NFASC: variants seen among roughly 807,000 people sequenced by gnomAD.
The protein encoded by NFASC is neurofascin, also known as neurofascin homolog.
NFASC carries 43 observed loss-of-function variants against 147.5 expected under a neutral mutation model. That is an observed-to-expected ratio of 0.29 (90% CI 0.23 to 0.38). NFASC has a LOEUF of 0.38. NFASC is among the 10% of genes least tolerant of loss of function. NFASC has a pLI of 1.00. For synonymous variants in NFASC, 622 were observed against 665.5 expected (o/e 0.93, Z 1.01); for missense variants, 1,320 against 1,689.0 (o/e 0.78, Z 3.83).
intron 2 of NFASC, among the ~76,000 whole-genome samples, chr1:204,926,929 C>G (rs2091705268): frequency 6.6e-6 from 1 of 151,902 alleles, no homozygotes; most frequent in Non-Finnish European, 1.5e-5. Context: ...TAAAAATTAG[C>G]TGGTGCACGG....
chr1:204,846,967 G>C (rs2075224379), intron 1 of NFASC, among the ~76,000 whole-genome samples: 1 of 152,008 alleles, frequency 6.6e-6, no homozygotes, highest in Non-Finnish European at 1.5e-5. Context: ...GTGTGTGTGT[G>C]TGTGTGTGTG....
In NFASC at chr1:205,016,478, C is replaced by A. The variant is rs1308415793; in HGVS notation, c.3662C>A (p.Thr1221Lys). The change falls in exon 30 of 30, where the codon ACA (threonine) becomes AAA (lysine). Residue 1221 changes from threonine to lysine, a missense_variant. Thr to Lys is a moderately conservative substitution (Grantham distance 78). Coordinates refer to ENST00000339876, the MANE Select transcript of NFASC (RefSeq NM_001005388.3). This position sits in a 1 kb window ranked among gnomAD's most constrained non-coding sequence, Gnocchi z 5.1. ...ACGGTCAAAAAGGACAAGGAGGAAA[C>A]AGAGGGCAACGAAAGCTCAGAGGCC... ...QYTVKKDKEE[T>K]EGNESSEATS... 2 of 1,614,168 alleles carry A rather than the reference C, an allele frequency of 1.2e-6. No homozygotes were observed. Among genetic ancestry groups the A allele is most frequent in the Admixed American group, 1.7e-5 (1 of 60,018 alleles).
intron 15 of NFASC, among the ~76,000 whole-genome samples, chr1:204,976,437 T>C (rs765882041): frequency 5.3e-5 from 8 of 152,208 alleles, no homozygotes; most frequent in Non-Finnish European, 1.2e-4. Flanking sequence ...GCAAACGTGC[T>C]TCACAGCCAC....
chr1:204,974,135 G>A (rs2095340497), intron 12 of NFASC, 44 bp from the exon 13 acceptor site: 4 of 1,494,568 alleles, frequency 2.7e-6, no homozygotes, highest in Non-Finnish European at 3.7e-6. Flanking sequence ...AGAGATGGAA[G>A]AGTTTAGACT....
intron 1 of NFASC, among the ~76,000 whole-genome samples, chr1:204,877,403 G>A (rs1413303077): frequency 6.6e-6 from 1 of 152,044 alleles, no homozygotes; most frequent in East Asian, 1.9e-4. Flanking sequence ...AGCCGTGCTG[G>A]TCACTTGTAT....
chr1:204,976,986 G>A, intron 16 of NFASC, 191 bp downstream of exon 16: 3 of 1,351,218 alleles, frequency 2.2e-6, no homozygotes, highest in Non-Finnish European at 2.8e-6. Context: ...GTGCTGGACA[G>A]GTTACCTCCT....
chr1:204,969,859 T>A (rs533381211), intron 10 of NFASC, among the ~76,000 whole-genome samples: 70 of 151,698 alleles, frequency 4.6e-4, no homozygotes, highest in African/African-American at 1.6e-3. Context: ...GGAAAGATCA[T>A]GAGGTCAGAA....
rs1295477254 is a variant in NFASC at position 204,968,837 on chromosome 1, C to T, written c.858C>T (p.Asp286=). Residue 286 remains aspartate (D), a synonymous_variant, in exon 10 of 30, where the codon GAC becomes GAT. Transcript: ENST00000339876. The surrounding 1 kb of genome is among the most constrained non-coding windows in gnomAD (Gnocchi z 5.4). ...PDIAWYKKGG[D]LPSDKAKFEN... ...TCGCATGGTACAAGAAAGGTGGGGA[C>T]CTCCCATCTGATAAGGCCAAGTTTG... 2 of 1,613,840 alleles carry T rather than the reference C, an allele frequency of 1.2e-6. No homozygotes were observed. The highest frequency in any genetic ancestry group is 2.2e-5 in the East Asian group (1 of 44,866).
intron 4 of NFASC, among the ~76,000 whole-genome samples, chr1:204,951,169 T>TTA (rs2094093514): frequency 6.9e-6 from 1 of 144,412 alleles, no homozygotes; most frequent in Admixed American, 6.8e-5. Context: ...TTTTTTTTTT[T>TTA]ATGGAGTCTC....
intron 1 of NFASC, among the ~76,000 whole-genome samples, chr1:204,830,657 TAGAGAG>T (rs10671660): frequency 0.012 from 1,784 of 147,208 alleles, 22 homozygotes; most frequent in Non-Finnish European, 0.02. Flanking sequence ...GATGTGTGTA[TAGAGAG>T]AGAGAGAGAG....
chr1:204,999,089 A>C (rs2095914993), intron 25 of NFASC: 1 of 152,226 alleles, frequency 6.6e-6, no homozygotes. Context: ...AGGGTGAAAT[A>C]GGCCTTTTTA....
At chr1:205,013,391 C>T (rs945368319) in intron 29 of NFASC, among the ~76,000 whole-genome samples, 5 of 152,144 alleles carry the variant, frequency 3.3e-5, no homozygotes, top group African/African-American at 1.2e-4. Context: ...TATCTTTGGG[C>T]TCTAGACTGG....
At chr1:204,858,969 A>AAG (rs2076418935) in intron 1 of NFASC, among the ~76,000 whole-genome samples, 2 of 148,788 alleles carry the variant, frequency 1.3e-5, no homozygotes, top group Non-Finnish European at 3.0e-5. Context: ...ATTCAGTTGA[A>AAG]TGCACTGACT....
At chr1:204,974,867 G>C in intron 14 of NFASC, 44 bp downstream of exon 14, 1 of 1,579,454 alleles carries the variant, frequency 6.3e-7, no homozygotes, top group Non-Finnish European at 8.7e-7. Context: ...GAGGGACAAG[G>C]AGGCCATGCT....
chr1:204,939,686 G>A (rs1256382041), intron 2 of NFASC, among the ~76,000 whole-genome samples: 1 of 152,264 alleles, frequency 6.6e-6, no homozygotes, highest in East Asian at 1.9e-4. Flanking sequence ...AACCCGAGAG[G>A]TGGCATGACT....
intron 20 of NFASC, among the ~76,000 whole-genome samples, chr1:204,981,142 C>T (rs2095502651): frequency 6.6e-6 from 1 of 152,244 alleles, no homozygotes; most frequent in African/African-American, 2.4e-5. Flanking sequence ...CCTTCCCTGT[C>T]TTTCTGAAGG....
intron 1 of NFASC, among the ~76,000 whole-genome samples, chr1:204,830,048 G>A (rs1671790717): frequency 7.9e-6 from 1 of 126,964 alleles, no homozygotes; most frequent in Non-Finnish European, 1.6e-5. Flanking sequence ...TGTGTGTGTT[G>A]AGCAGAGATG....
intron 1 of NFASC, among the ~76,000 whole-genome samples, chr1:204,913,628 C>T (rs2088306368): frequency 6.6e-6 from 1 of 152,142 alleles, no homozygotes. Context: ...TAGATCCCTT[C>T]TTCACATGAT....
intron 8 of NFASC, among the ~76,000 whole-genome samples, chr1:204,960,925 C>T (rs1034066341): frequency 6.6e-6 from 1 of 152,210 alleles, no homozygotes; most frequent in Non-Finnish European, 1.5e-5. Context: ...CAATGCCAGT[C>T]CCAGAAAAGG....
Sources: gnomAD v4.1 joint callset for allele counts (sites outside exome capture counted in the v4.1 genomes callset) on GRCh38, gnomAD v4.1.1 for gene constraint, Gnocchi (gnomAD v3.1) non-coding constraint, MANE v1.5 for transcripts, NCBI Gene and HGNC (gene_info 2026-07-23, HGNC 2026-07-21) for gene names.